KNTC1: variants seen among roughly 807,000 people sequenced by gnomAD.
The protein encoded by KNTC1 is kinetochore-associated protein 1.
KNTC1 carries 253 observed loss-of-function variants against 314.4 expected under a neutral mutation model. The observed-to-expected ratio is 0.80, with a 90% confidence interval of 0.73 to 0.89. KNTC1 has a LOEUF of 0.89. Ranked by LOEUF, KNTC1 falls within the 40% of genes least tolerant of loss-of-function variation. KNTC1 has a pLI of 0.00. For missense variants in KNTC1, 2,475 were observed against 2,572.9 expected (o/e 0.96, Z 0.82); for synonymous variants, 901 against 901.4 (o/e 1.00, Z 0.01).
chr12:122,605,519 G>A (rs534013043), intron 51 of KNTC1, 104 bp downstream of exon 51: 56 of 592,296 alleles, frequency 9.5e-5, no homozygotes, highest in African/African-American at 8.8e-4. Context: ...CTAATTAGGA[G>A]CGCAGACTCT....
At chr12:122,534,860 C>G in intron 3 of KNTC1, 76 bp downstream of exon 3, 1 of 1,309,058 alleles carries the variant, frequency 7.6e-7, no homozygotes, top group Non-Finnish European at 1.1e-6. Flanking sequence ...GCTGGATTGC[C>G]TCCTCTTTAC....
At chr12:122,574,089 C>T (rs1450891425) in intron 26 of KNTC1, among the ~76,000 whole-genome samples, 193 bp from the exon 27 acceptor site, 3 of 152,140 alleles carry the variant, frequency 2.0e-5, no homozygotes, top group Non-Finnish European at 4.4e-5. Flanking sequence ...CCATATAAAA[C>T]TAAAGGCTAA....
intron 63 of KNTC1, among the ~76,000 whole-genome samples, 187 bp from the exon 64 acceptor site, chr12:122,626,018 G>T: frequency 6.6e-6 from 1 of 152,006 alleles, no homozygotes; most frequent in Non-Finnish European, 1.5e-5. Context: ...TTTTCAGAAG[G>T]GGAGAGTATT....
At chr12:122,560,345 C>T (rs1963892431) in intron 18 of KNTC1, among the ~76,000 whole-genome samples, 1 of 151,990 alleles carries the variant, frequency 6.6e-6, no homozygotes, top group African/African-American at 2.4e-5. Flanking sequence ...AGCATATACC[C>T]AGAAGTGGAA....
At chr12:122,534,958 C>G (rs1315469208) in intron 3 of KNTC1, among the ~76,000 whole-genome samples, 174 bp downstream of exon 3, 1 of 152,112 alleles carries the variant, frequency 6.6e-6, no homozygotes, top group Non-Finnish European at 1.5e-5. Context: ...GCACTAGAGT[C>G]AAAGGACACT....
intron 35 of KNTC1, 24 bp from the exon 36 acceptor site, chr12:122,584,869 T>C: frequency 8.6e-7 from 1 of 1,163,938 alleles, no homozygotes; most frequent in Non-Finnish European, 1.3e-6. Flanking sequence ...ATGAGTTTAA[T>C]GATTTTTCTC....
At position 122,603,153 on chromosome 12, in the gene KNTC1, A is replaced by T; in HGVS notation, c.5011A>T (p.Thr1671Ser). 6.2e-7 allele frequency: 1 copy of T among 1,613,676 alleles called. No individual in the cohort carries two copies. The highest frequency in any genetic ancestry group is 8.5e-7 in the Non-Finnish European group (1 of 1,179,784). The change falls in exon 48 of 64, where the codon ACG becomes TCG. Residue 1671 changes from threonine to serine, a missense_variant. Coordinates refer to ENST00000333479, the MANE Select transcript of KNTC1 (RefSeq NM_014708.6). ...TLINKEITKITQTIESCLLSI... is the reference protein window; with the variant it reads ...TLINKEITKISQTIESCLLSI... ...GATTAACAAGGAAATAACTAAGATC[A>T]CGCAGACCATCGAATCCTGCTTACT...
At chr12:122,626,069 C>T (rs1251431282) in intron 63 of KNTC1, 136 bp from the exon 64 acceptor site, 2 of 678,718 alleles carry the variant, frequency 2.9e-6, no homozygotes, top group East Asian at 2.7e-5. Flanking sequence ...ATCTGTTTCT[C>T]TCTAATCTAA....
In KNTC1 at chr12:122,622,568, A is replaced by G. The variant is rs759579256; in HGVS notation, c.6476A>G (p.Asn2159Ser). Residue 2159 changes from asparagine to serine, a missense_variant, in exon 62 of 64, where the codon AAT becomes AGT. Asn to Ser is a conservative substitution (Grantham distance 46). Transcript: ENST00000333479. ...MLKMHAMNTN[N>S]ITELVNYLAN... The stretch of plus-strand genomic sequence containing the variant: ...AAGATGCATGCGATGAATACCAACA[A>G]TATCACTGAGCTAGTGAACTATTTG... 7.7e-6 allele frequency: 12 copies of G among 1,565,562 alleles called. No individual in the cohort carries two copies. Among genetic ancestry groups the G allele is most frequent in the South Asian group, 4.7e-5 (4 of 84,704 alleles).
chr12:122,615,044 G>C lies in KNTC1; in HGVS notation c.5931G>C (p.Gln1977His). ...LCLEYKIYDL[Q>H]LWNGLLQKLL... Reference sequence around the variant, plus strand: ...TAGAATACAAAATCTATGACCTGCAGCTTTGGAATGGACTCTTGCAAAAGC... The same window carrying C: ...TAGAATACAAAATCTATGACCTGCACCTTTGGAATGGACTCTTGCAAAAGC... Residue 1977 changes from glutamine (Q) to histidine (H), a missense_variant, in exon 56 of 64, where the codon CAG (glutamine) becomes CAC (histidine). Coordinates refer to ENST00000333479, the MANE Select transcript of KNTC1 (RefSeq NM_014708.6). 6.2e-7 allele frequency: 1 copy of C among 1,613,644 alleles called. No homozygotes were observed. Among genetic ancestry groups the C allele is most frequent in the Non-Finnish European group, 8.5e-7 (1 of 1,179,760 alleles).
chr12:122,595,983 TTTAG>T (rs1870979017), intron 43 of KNTC1, among the ~76,000 whole-genome samples: 1 of 152,222 alleles, frequency 6.6e-6, no homozygotes, highest in African/African-American at 2.4e-5. Context: ...TTATTGATAT[TTTAG>T]TTATGCTGTA....
In KNTC1 at chr12:122,555,575, C is replaced by T. The variant is rs189417505; in HGVS notation, c.1273-1809C>T. Among the ~76,000 whole-genome samples the T allele has an allele frequency of 1.2e-3, 180 of 151,422 alleles. 1 individual carries two copies. The East Asian group carries it at 0.021, about 17-fold the overall frequency. On this transcript the variant is annotated intron_variant, in intron 16 of 63. Coordinates refer to ENST00000333479, the MANE Select transcript of KNTC1 (RefSeq NM_014708.6). ...TCAAAAATAAAAAAGAAGGGCCGGGCGCGGTGGCTCACGCCTGTAATCCCA... is the reference window on the plus strand; with the variant it reads ...TCAAAAATAAAAAAGAAGGGCCGGGTGCGGTGGCTCACGCCTGTAATCCCA...
Position 122,530,192 on chromosome 12 carries a change from G to T in KNTC1, c.129G>T (p.Lys43Asn). 6.2e-7 allele frequency: 1 copy of T among 1,612,366 alleles called. No individual in the cohort carries two copies. Among genetic ancestry groups the T allele is most frequent in the Non-Finnish European group, 8.5e-7 (1 of 1,179,040 alleles). The stretch of plus-strand genomic sequence containing the variant: ...TGCTAGTGAAGATCTCTTCTGAAAA[G>T]GTAGTGATTATTACACTGACTGTTT... ...VDLLVKISSE[K>N]ASLNPKIQAC... is the part of the protein sequence containing the mutation. Residue 43 changes from lysine (K) to asparagine (N), a missense_variant and splice_region_variant, in exon 2 of 64, where the codon AAG becomes AAT. Lys to Asn is a moderately conservative substitution (Grantham distance 94). Transcript: ENST00000333479.
At chr12:122,549,896 T>A in intron 13 of KNTC1, 32 bp downstream of exon 13, 2 of 1,215,190 alleles carry the variant, frequency 1.6e-6, no homozygotes, top group Non-Finnish European at 2.4e-6. Flanking sequence ...AGTATTCTTT[T>A]AACTACTTTT....
At chr12:122,535,137 A>G (rs1466162289) in intron 3 of KNTC1, among the ~76,000 whole-genome samples, 3 of 152,214 alleles carry the variant, frequency 2.0e-5, no homozygotes, top group African/African-American at 4.8e-5. Context: ...GCATATTTTT[A>G]GAATTAATAG....
chr12:122,551,944 G>C (rs1212250112), intron 16 of KNTC1, among the ~76,000 whole-genome samples: 2 of 151,582 alleles, frequency 1.3e-5, no homozygotes, highest in African/African-American at 4.9e-5. Flanking sequence ...GTCTTACTCT[G>C]TTGCCCAGGC....
chr12:122,623,852 A>C (rs943408870), intron 62 of KNTC1, among the ~76,000 whole-genome samples: 35 of 152,280 alleles, frequency 2.3e-4, no homozygotes, highest in Admixed American at 2.3e-3. Flanking sequence ...GGATCACCTG[A>C]GGTTAGGAGT....
chr12:122,583,807 C>T (rs1868809488), intron 34 of KNTC1, among the ~76,000 whole-genome samples: 1 of 151,442 alleles, frequency 6.6e-6, no homozygotes, highest in African/African-American at 2.4e-5. Context: ...GCCTGGGCGA[C>T]AGAGTGAGAC....
In KNTC1 at chr12:122,605,019, T is replaced by C; in HGVS notation, c.5318T>C (p.Ile1773Thr). ...GTGATCGGAAAGCCAGCACATCTTA[T>C]TGTCAGTCTCTACGAACATCCTAGC... ...LRVIGKPAHL[I>T]VSLYEHPSIN... Residue 1773 changes from isoleucine to threonine, a missense_variant, in exon 50 of 64, where the codon ATT (isoleucine) becomes ACT (threonine). Coordinates refer to ENST00000333479, the MANE Select transcript of KNTC1 (RefSeq NM_014708.6). The C allele has an allele frequency of 1.2e-6, 2 of 1,613,416 alleles. No individual in the cohort carries two copies. Among genetic ancestry groups the C allele is most frequent in the Non-Finnish European group, 1.7e-6 (2 of 1,179,698 alleles).
Sources: gnomAD v4.1 joint callset for allele counts (sites outside exome capture counted in the v4.1 genomes callset) on GRCh38, gnomAD v4.1.1 for gene constraint, MANE v1.5 for transcripts, NCBI Gene and HGNC (gene_info 2026-07-23, HGNC 2026-07-21) for gene names.